The following FAM151B variants were observed in gnomAD, a reference collection of about 807,000 sequenced individuals.
The protein encoded by FAM151B is family with sequence similarity 151 member B, also known as protein FAM151B.
In FAM151B, 24 loss-of-function variants were observed where a neutral mutation model predicts 31.2. That is an observed-to-expected ratio of 0.77 (90% CI 0.56 to 1.08). FAM151B has a LOEUF of 1.08. Ranked by LOEUF, FAM151B falls within the 50% of genes least tolerant of loss-of-function variation. The pLI, the probability that FAM151B is intolerant of heterozygous loss-of-function variation, is 0.00. For synonymous variants in FAM151B, 105 were observed against 111.4 expected, an observed-to-expected ratio of 0.94 and a Z score of 0.36; for missense variants, 293 against 328.6, an observed-to-expected ratio of 0.89 and a Z score of 0.84.
intron 1 of FAM151B, chr5:80,500,658 A>G: frequency 1.3e-6 from 1 of 769,192 alleles, no homozygotes; most frequent in Non-Finnish European, 2.4e-6. Flanking sequence ...AAGGTGTTGC[A>G]GCTTCTTCGC....
At chr5:80,488,225 G>T in intron 1 of FAM151B, 77 bp downstream of exon 1, 2 of 1,477,014 alleles carry the variant, frequency 1.4e-6, no homozygotes, top group Non-Finnish European at 9.0e-7. Flanking sequence ...CTCCCTTTGC[G>T]GGCTCCCGCG....
At position 80,513,479 on chromosome 5, in the gene FAM151B, G is replaced by A. The variant is rs112566297; in HGVS notation, c.152-125G>A. Reference sequence around the variant, plus strand: ...GTATACTGCCTGGCATGGGATAATCGCTCACTGAGTGTTACTTTTCTTTCC... The same window carrying A: ...GTATACTGCCTGGCATGGGATAATCACTCACTGAGTGTTACTTTTCTTTCC... On this transcript the variant is annotated intron_variant, in intron 2 of 5. Coordinates refer to ENST00000282226, the MANE Select transcript of FAM151B (RefSeq NM_205548.3). 415 of 856,650 alleles carry A rather than the reference G, an allele frequency of 4.8e-4. 1 individual carries two copies. The African/African-American group carries it at 6.2e-3, about 13-fold the overall frequency. 53.1% of individuals were successfully genotyped at this position (856,650 alleles called of 1,614,324 possible). A position where few individuals can be genotyped will look rare whatever the true frequency, so the allele number is the denominator to read the frequency against.
chr5:80,506,805 A>G (rs1222643766), intron 2 of FAM151B, among the ~76,000 whole-genome samples: 1 of 151,992 alleles, frequency 6.6e-6, no homozygotes, highest in African/African-American at 2.4e-5. Context: ...TCTCTCATAG[A>G]GGTTGAGAGA....
At chr5:80,498,251 T>C (rs979391432) in intron 1 of FAM151B, among the ~76,000 whole-genome samples, 1 of 152,204 alleles carries the variant, frequency 6.6e-6, no homozygotes, top group Non-Finnish European at 1.5e-5. Flanking sequence ...GACTCTATTA[T>C]ATATGCCAAA....
intron 1 of FAM151B, among the ~76,000 whole-genome samples, chr5:80,490,040 A>ACACACACACG: frequency 6.6e-6 from 1 of 151,126 alleles, no homozygotes; most frequent in Admixed American, 6.6e-5. Context: ...ACACACACAC[A>ACACACACACG]CACACACACA....
chr5:80,519,311 C>A (rs1744598224), intron 3 of FAM151B, among the ~76,000 whole-genome samples: 2 of 152,126 alleles, frequency 1.3e-5, no homozygotes, highest in African/African-American at 4.8e-5. Context: ...TGTGAATTTA[C>A]AGGTTATTAA....
At chr5:80,493,395 G>A (rs1003307023) in intron 1 of FAM151B, among the ~76,000 whole-genome samples, 24 of 152,096 alleles carry the variant, frequency 1.6e-4, no homozygotes, top group African/African-American at 5.6e-4. Context: ...TATGAAATCA[G>A]TGTACCTTAA....
At chr5:80,503,136 A>G (rs1277440950) in intron 2 of FAM151B, among the ~76,000 whole-genome samples, 1 of 152,240 alleles carries the variant, frequency 6.6e-6, no homozygotes, top group African/African-American at 2.4e-5. Context: ...TATGTAAATT[A>G]TGTCTCAGTT....
chr5:80,494,703 G>A (rs905386281), intron 1 of FAM151B, among the ~76,000 whole-genome samples: 10 of 151,364 alleles, frequency 6.6e-5, no homozygotes, highest in Non-Finnish European at 1.5e-4. Flanking sequence ...TTGTAGAGAC[G>A]GGATTTCGTC....
intron 4 of FAM151B, among the ~76,000 whole-genome samples, chr5:80,520,327 G>A (rs1304774221): frequency 6.6e-6 from 1 of 152,022 alleles, no homozygotes; most frequent in African/African-American, 2.4e-5. Context: ...ACTTGCTTTT[G>A]ATAGAGTATA....
intron 1 of FAM151B, chr5:80,501,413 A>G: frequency 1.5e-6 from 1 of 667,642 alleles, no homozygotes; most frequent in Non-Finnish European, 2.4e-6. Flanking sequence ...GATGTCTACC[A>G]TGATTATTTT....
Position 80,541,715 on chromosome 5 carries a change from C to T in FAM151B, c.714C>T (p.Ser238=), listed in dbSNP as rs138264758. 2,752 of 1,613,512 alleles carry T rather than the reference C, an allele frequency of 1.7e-3. 3 individuals are homozygous for T. Among genetic ancestry groups the T allele is most frequent in the South Asian group, 2.7e-3 (249 of 91,040 alleles). ...TIWTGKNDNY[S]VEDLLYIRDH... is the part of the protein sequence containing the mutation. ...GGACTGGAAAAAATGATAACTATTC[C>T]GTTGAAGATTTACTTTACATTAGAG... is the stretch of plus-strand genomic sequence containing the variant. Residue 238 remains serine, a synonymous_variant, in exon 6 of 6, where the codon TCC becomes TCT. Transcript: ENST00000282226.
At chr5:80,519,576 C>T (rs1744608072) in intron 3 of FAM151B, 117 bp from the exon 4 acceptor site, 2 of 823,028 alleles carry the variant, frequency 2.4e-6, no homozygotes, top group Admixed American at 2.8e-5. Context: ...TTTATTTAAC[C>T]CAGACATTAT....
At chr5:80,488,181 G>A in intron 1 of FAM151B, 33 bp downstream of exon 1, 1 of 1,531,872 alleles carries the variant, frequency 6.5e-7, no homozygotes, top group Non-Finnish European at 8.8e-7. Flanking sequence ...CTGCCTGGAG[G>A]TGGGGCGCTT....
intron 4 of FAM151B, among the ~76,000 whole-genome samples, 180 bp from the exon 5 acceptor site, chr5:80,521,823 C>T (rs1027007790): frequency 6.6e-6 from 1 of 151,786 alleles, no homozygotes; most frequent in African/African-American, 2.4e-5. Context: ...TCTCCATTTT[C>T]CACTTAGTTT....
rs914741751 is a variant in FAM151B at position 80,488,933 on chromosome 5, G to GA, written c.25+794dup. 2.5e-3 allele frequency among the ~76,000 whole-genome samples: 377 copies of GA among 150,698 alleles called. 1 individual carries two copies. The highest frequency in any genetic ancestry group is 8.4e-3 in the African/African-American group (345 of 41,066). On this transcript the variant is annotated intron_variant, in intron 1 of 5. Coordinates refer to ENST00000282226, the MANE Select transcript of FAM151B (RefSeq NM_205548.3). ...AAAGTATATTAGTATAGGGAAATAG[G>GA]AAAAAAAAATCCCCCAAATGCTGAT...
chr5:80,525,794 T>C (rs1744930043), intron 5 of FAM151B, among the ~76,000 whole-genome samples: 1 of 152,108 alleles, frequency 6.6e-6, no homozygotes, highest in Non-Finnish European at 1.5e-5. Context: ...TTTATAACTA[T>C]TTTTGTATTT....
intron 3 of FAM151B, among the ~76,000 whole-genome samples, chr5:80,514,414 G>A (rs1744326721): frequency 6.6e-6 from 1 of 151,362 alleles, no homozygotes; most frequent in Admixed American, 6.6e-5. Flanking sequence ...GGCGGAGGTT[G>A]CAGTGAGCCG....
intron 5 of FAM151B, among the ~76,000 whole-genome samples, chr5:80,528,472 G>A (rs1421389112): frequency 6.6e-6 from 1 of 151,922 alleles, no homozygotes; most frequent in Non-Finnish European, 1.5e-5. Flanking sequence ...TTGCTTACAA[G>A]GATCACACTT....
Sources: allele counts gnomAD v4.1 joint callset (sites outside exome capture counted in the v4.1 genomes callset), GRCh38; gene constraint gnomAD v4.1.1; transcripts MANE v1.5; gene names NCBI Gene and HGNC (gene_info 2026-07-23, HGNC 2026-07-21).